SLFN14: variants seen among roughly 807,000 people sequenced by gnomAD.
SLFN14 encodes the protein schlafen family member 14, also known as protein SLFN14.
Under a neutral mutation model 58.6 loss-of-function variants are expected in SLFN14, and 47 were observed. The observed-to-expected ratio is 0.80, with a 90% CI of 0.64 to 1.02. SLFN14 has a LOEUF of 1.02. Among genes scored for constraint, SLFN14 ranks in the 50% least tolerant of loss-of-function variants. The pLI is 0.00. For missense variants in SLFN14, 967 were observed against 1,078.4 expected (o/e 0.90, Z 1.45); for synonymous variants, 390 against 387.3 (o/e 1.01, Z -0.08).
rs548942825 is a variant in SLFN14, at chr17:35,548,762, G to A, written c.2216C>T (p.Ala739Val). Residue 739 changes from alanine (A) to valine (V), a missense_variant, in exon 6 of 6, where the codon GCG becomes GTG. By Grantham distance (64) the Ala-to-Val change is moderately conservative. Coordinates refer to ENST00000674182, the MANE Select transcript of SLFN14 (RefSeq NM_001129820.2). Reference protein sequence around the residue: ...TSGIHCALEIAKVMKEEMKRI... With the variant: ...TSGIHCALEIVKVMKEEMKRI... ...CTTCATTTCTTCTTTCATAACCTTC[G>A]CTATTTCCAGAGCACAGTGGATCCC... The A allele has an allele frequency of 1.3e-5, 20 of 1,551,596 alleles. No individual in the cohort carries two copies. The South Asian group carries it at 1.7e-4, about 13-fold the overall frequency.
Position 35,548,434 on chromosome 17 carries a change from C to T in SLFN14, c.2544G>A (p.Val848=), listed in dbSNP as rs367712646. 4 of 1,551,580 alleles carry T rather than the reference C, an allele frequency of 2.6e-6. No homozygotes were observed. Among genetic ancestry groups the T allele is most frequent in the Non-Finnish European group, 2.6e-6 (3 of 1,147,010 alleles). Residue 848 remains valine (V), a synonymous_variant, in exon 6 of 6, where the codon GTG becomes GTA. Coordinates refer to ENST00000674182, the MANE Select transcript of SLFN14 (RefSeq NM_001129820.2). ...LIETHRPSEV[V]FSPATGVWGS... ...CCCAAACACCGGTGGCCGGGCTAAA[C>T]ACAACCTCTGATGGTCTGTGGGTCT...
chr17:35,548,168 G>A lies in SLFN14; in HGVS notation c.*71C>T. 1 of 1,369,534 alleles carries A rather than the reference G, an allele frequency of 7.3e-7. No homozygotes were observed. The highest frequency in any genetic ancestry group is 9.8e-7 in the Non-Finnish European group (1 of 1,015,230). The allele number at this position is 1,369,534 out of a possible 1,614,324, so 84.8% of individuals were successfully genotyped here. ...ATTTCCTCACTTGTAATATTAAAAT[G>A]GAGTCACTGCTACCTGTCTAGGAGA... On this transcript the variant is annotated 3_prime_UTR_variant, in exon 6 of 6. Coordinates refer to ENST00000674182, the MANE Select transcript of SLFN14 (RefSeq NM_001129820.2).
chr17:35,549,955 A>T (rs1410593558), intron 5 of SLFN14, among the ~76,000 whole-genome samples: 1 of 152,160 alleles, frequency 6.6e-6, no homozygotes, highest in African/African-American at 2.4e-5. Flanking sequence ...GAGTATTTTC[A>T]AACTTAGCTA....
At position 35,548,372 on chromosome 17, in the gene SLFN14, G is replaced by A; in HGVS notation, c.2606C>T (p.Ser869Leu). 6.4e-7 allele frequency: 1 copy of A among 1,551,730 alleles called. No individual in the cohort carries two copies. The highest frequency in any genetic ancestry group is 8.7e-7 in the Non-Finnish European group (1 of 1,146,992). ...AAACACGACAGTCCTCTCCAGGCCT[G>A]AAAATTGCTGAATACTGTCTAAAAC... The part of the protein sequence containing the change: ...HIVLDSIQQF[S>L]GLERTVVFGL... Residue 869 changes from serine to leucine, a missense_variant, in exon 6 of 6, where the codon TCA becomes TTA. Transcript: ENST00000674182.
At position 35,546,616 on chromosome 17, in the gene SLFN14, A is replaced by C. The variant is rs555878923; in HGVS notation, c.*1623T>G. Among the ~76,000 whole-genome samples, 1 of 152,370 alleles carries C rather than the reference A, an allele frequency of 6.6e-6. No homozygotes were observed. Among genetic ancestry groups the C allele is most frequent in the East Asian group, 1.9e-4 (1 of 5,182 alleles). On this transcript the variant is annotated 3_prime_UTR_variant, in exon 6 of 6. Coordinates refer to ENST00000674182, the MANE Select transcript of SLFN14 (RefSeq NM_001129820.2). Reference sequence around the variant, plus strand: ...TATGAATACTTCCAAAGCAATTTAAAAATCCTTGCAAAAGCAAGAGTAATT... The same window carrying C: ...TATGAATACTTCCAAAGCAATTTAACAATCCTTGCAAAAGCAAGAGTAATT...
intron 5 of SLFN14, 27 bp from the exon 6 acceptor site, chr17:35,549,100 G>C (rs1336857313): frequency 4.6e-6 from 7 of 1,519,398 alleles, no homozygotes; most frequent in Non-Finnish European, 5.3e-6. Context: ...AACAGGGCTT[G>C]AGGCATATCA....
At chr17:35,560,544 T>A (rs1567719923) in intron 1 of SLFN14, among the ~76,000 whole-genome samples, 2 of 152,116 alleles carry the variant, frequency 1.3e-5, no homozygotes, top group Admixed American at 6.5e-5. Context: ...GCCAGGCTGG[T>A]CTCGAACTGT....
At chr17:35,549,588 C>G (rs1210107892) in intron 5 of SLFN14, among the ~76,000 whole-genome samples, 1 of 152,222 alleles carries the variant, frequency 6.6e-6, no homozygotes, top group East Asian at 1.9e-4. Flanking sequence ...AGTTCCACGA[C>G]ACATCAAGTA....
At position 35,545,666 on chromosome 17, in the gene SLFN14, T is replaced by G. The variant is rs2072528606; in HGVS notation, c.*2573A>C. 6.6e-6 allele frequency among the ~76,000 whole-genome samples: 1 copy of G among 152,104 alleles called. No homozygotes were observed. Among genetic ancestry groups the G allele is most frequent in the African/African-American group, 2.4e-5 (1 of 41,404 alleles). On this transcript the variant is annotated 3_prime_UTR_variant, in exon 6 of 6. Coordinates refer to ENST00000674182, the MANE Select transcript of SLFN14 (RefSeq NM_001129820.2). The stretch of plus-strand genomic sequence containing the variant: ...TGCACCACCATGCCCAACTAAGTTT[T>G]TAAAAAAATTTTTTTTGTAGAGATG...
rs755942726 is a variant in SLFN14 at position 35,557,756 on chromosome 17, G to T, written c.307C>A (p.His103Asn). 3.1e-5 allele frequency: 48 copies of T among 1,551,576 alleles called. No homozygotes were observed. The South Asian group carries it at 5.6e-4, about 18-fold the overall frequency. Residue 103 changes from histidine to asparagine, a missense_variant, in exon 3 of 6, where the codon CAC (histidine) becomes AAC (asparagine). Coordinates refer to ENST00000674182, the MANE Select transcript of SLFN14 (RefSeq NM_001129820.2). ...GACTTCACAAAAATCAGGAGATTGT[G>T]CCCCTGCTGCATGTAGTCAAGGTAT... ...QKYLDYMQQG[H>N]NLLIFVKSWS...
Position 35,548,124 on chromosome 17 carries a change from G to T in SLFN14, c.*115C>A. ...CCAAGAGACATTTCTGTGGCTCCAG[G>T]CCATACTGATGTGCCTTGATTTCCT... On this transcript the variant is annotated 3_prime_UTR_variant, in exon 6 of 6. Transcript: ENST00000674182. 2.0e-6 allele frequency: 2 copies of T among 1,000,406 alleles called. No individual in the cohort carries two copies. Among genetic ancestry groups the T allele is most frequent in the Non-Finnish European group, 2.9e-6 (2 of 696,968 alleles). The allele number at this position is 1,000,406 out of a possible 1,614,324, so 62.0% of individuals were successfully genotyped here. A position where few individuals can be genotyped will look rare whatever the true frequency, so the allele number is the denominator to read the frequency against.
At position 35,549,222 on chromosome 17, in the gene SLFN14, T is replaced by C. The variant is rs553082634; in HGVS notation, c.1905-149A>G. On this transcript the variant is annotated intron_variant, in intron 5 of 5. Coordinates refer to ENST00000674182, the MANE Select transcript of SLFN14 (RefSeq NM_001129820.2). ...GTGAATACCACAAAACTGTTCTAAT[T>C]ACAAGTTACCTGACAGACAGAATGC... 284 of 675,204 alleles carry C rather than the reference T, an allele frequency of 4.2e-4. 5 individuals carry two copies. In the South Asian group the frequency reaches 5.2e-3, roughly 12 times the overall value. The allele number at this position is 675,204 out of a possible 1,614,324, so 41.8% of individuals were successfully genotyped here.
At chr17:35,554,457 C>T in intron 4 of SLFN14, 119 bp downstream of exon 4, 1 of 513,548 alleles carries the variant, frequency 1.9e-6, no homozygotes. Flanking sequence ...ATCATTATGT[C>T]GCTAAGTCCT....
Position 35,557,678 on chromosome 17 carries a change from T to C in SLFN14, c.385A>G (p.Asn129Asp). The change falls in exon 3 of 6, where the codon AAT (asparagine) becomes GAT (aspartate). Residue 129 changes from asparagine (N) to aspartate (D), a missense_variant. Asn to Asp is a conservative substitution (Grantham distance 23, BLOSUM62 1). Transcript: ENST00000674182. ...GAAGTCACATCTCTCCGATACAAAT[T>C]GGAGCGCAAGCTGCAAATCCTTAGT... ...LPLRICSLRS[N>D]LYRRDVTSAI... 6.4e-7 allele frequency: 1 copy of C among 1,551,672 alleles called. No homozygotes were observed.
rs2072542432 is a variant in SLFN14, at chr17:35,547,399, T to G, written c.*840A>C. On this transcript the variant is annotated 3_prime_UTR_variant, in exon 6 of 6. Coordinates refer to ENST00000674182, the MANE Select transcript of SLFN14 (RefSeq NM_001129820.2). ...TAGATATTGCAATAGTCTAATATAA[T>G]CTGAAGATTTTTAAGATTTGAATCA... Among the ~76,000 whole-genome samples, 1 of 152,212 alleles carries G rather than the reference T, an allele frequency of 6.6e-6. No individual in the cohort carries two copies. The highest frequency in any genetic ancestry group is 1.5e-5 in the Non-Finnish European group (1 of 68,036).
At chr17:35,553,620 G>T in intron 4 of SLFN14, 176 bp from the exon 5 acceptor site, 1 of 599,136 alleles carries the variant, frequency 1.7e-6, no homozygotes, top group East Asian at 2.9e-5. Context: ...CATCCCCACG[G>T]ACATTTGGCA....
In SLFN14 at chr17:35,548,709, T is replaced by C. The variant is rs1241824871; in HGVS notation, c.2269A>G (p.Met757Val). The change falls in exon 6 of 6, where the codon ATG becomes GTG. Residue 757 changes from methionine to valine, a missense_variant. Transcript: ENST00000674182. ...AACAATGCTAATGTGTCTGGAGACA[T>C]GTTGGAGGGAGGATTTTCTTTGATC... ...KRIKENPPSN[M>V]SPDTLALFSE... 2 of 1,551,600 alleles carry C rather than the reference T, an allele frequency of 1.3e-6. No homozygotes were observed. Among genetic ancestry groups the C allele is most frequent in the Admixed American group, 3.9e-5 (2 of 50,980 alleles).
chr17:35,544,679 C>T lies in SLFN14; in HGVS notation c.*3560G>A, dbSNP rs532377410. Among the ~76,000 whole-genome samples the T allele has an allele frequency of 4.6e-5, 7 of 152,224 alleles. No individual in the cohort carries two copies. The highest frequency in any genetic ancestry group is 1.7e-4 in the African/African-American group (7 of 41,536). On this transcript the variant is annotated 3_prime_UTR_variant, in exon 6 of 6. Coordinates refer to ENST00000674182, the MANE Select transcript of SLFN14 (RefSeq NM_001129820.2). Reference sequence around the variant, plus strand: ...AAGTAGCTGGGATTACAGGCATGCGCCACCATGCCCAGCTAATTTTGTATT... The same window carrying T: ...AAGTAGCTGGGATTACAGGCATGCGTCACCATGCCCAGCTAATTTTGTATT...
In SLFN14 at chr17:35,557,995, A is replaced by C. The variant is rs576920564; in HGVS notation, c.68T>G (p.Ile23Ser). Reference protein sequence around the residue: ...PEVIVDVGRVIFGEENRKKMT... With the variant: ...PEVIVDVGRVSFGEENRKKMT... ...CTTCTTCCTGTTTTCTTCTCCAAAA[A>C]TCACTCTGCCCACATCTACTATTAC... The change falls in exon 3 of 6, where the codon ATT (isoleucine) becomes AGT (serine). Residue 23 changes from isoleucine to serine, a missense_variant. Physicochemically the swap from Ile to Ser is moderately radical, Grantham distance 142. Coordinates refer to ENST00000674182, the MANE Select transcript of SLFN14 (RefSeq NM_001129820.2). The C allele has an allele frequency of 3.2e-6, 5 of 1,551,608 alleles. No individual in the cohort carries two copies. The South Asian group carries it at 4.8e-5, about 15-fold the overall frequency.
Sources: allele counts gnomAD v4.1 joint callset (sites outside exome capture counted in the v4.1 genomes callset), GRCh38; gene constraint gnomAD v4.1.1; transcripts MANE v1.5; gene names NCBI Gene and HGNC (gene_info 2026-07-23, HGNC 2026-07-21).